The following ITGA9 variants were observed in gnomAD, a reference collection of about 807,000 sequenced individuals.
The protein encoded by ITGA9 is integrin alpha-9.
Under a neutral mutation model 127.8 loss-of-function variants are expected in ITGA9, and 56 were observed. That is an observed-to-expected ratio of 0.44 (90% confidence interval 0.35 to 0.55). The LOEUF is 0.55. Ranked by LOEUF, ITGA9 falls within the 20% of genes least tolerant of loss-of-function variation. ITGA9 has a pLI of 0.00. For synonymous variants in ITGA9, 508 were observed against 514.5 expected (o/e 0.99, Z 0.17); for missense variants, 1,196 against 1,347.1 (o/e 0.89, Z 1.76).
chr3:37,516,013 C>T (rs1200660356), intron 9 of ITGA9, among the ~76,000 whole-genome samples: 1 of 152,128 alleles, frequency 6.6e-6, no homozygotes, highest in Non-Finnish European at 1.5e-5. Context: ...ATGAAGGGGA[C>T]ATTAAATAAA....
At chr3:37,526,565 T>A (rs1343830852) in intron 13 of ITGA9, among the ~76,000 whole-genome samples, 1 of 152,202 alleles carries the variant, frequency 6.6e-6, no homozygotes, top group African/African-American at 2.4e-5. Flanking sequence ...TCATTCCCTG[T>A]TGGCTGCAGA....
chr3:37,758,518 G>A (rs1696683615), intron 23 of ITGA9, among the ~76,000 whole-genome samples: 1 of 150,948 alleles, frequency 6.6e-6, no homozygotes, highest in Non-Finnish European at 1.5e-5. Flanking sequence ...TGATAATCTT[G>A]ATAAGGGTTT....
intron 18 of ITGA9, among the ~76,000 whole-genome samples, chr3:37,699,359 C>T (rs1174365562): frequency 1.3e-5 from 2 of 152,192 alleles, no homozygotes. Flanking sequence ...TCCTGATCCT[C>T]CTGACACCTG....
intron 14 of ITGA9, among the ~76,000 whole-genome samples, chr3:37,539,365 C>T (rs755587181): frequency 1.3e-5 from 2 of 152,136 alleles, no homozygotes; most frequent in Non-Finnish European, 2.9e-5. Context: ...CAGTTGCAGG[C>T]CTCAGGCTTC....
chr3:37,571,425 T>C (rs1173643034), intron 15 of ITGA9, among the ~76,000 whole-genome samples: 1 of 152,202 alleles, frequency 6.6e-6, no homozygotes, highest in Non-Finnish European at 1.5e-5. Flanking sequence ...GGCCAGACAT[T>C]CTGTCTGGAC....
chr3:37,609,462 G>A (rs1699998000), intron 15 of ITGA9, among the ~76,000 whole-genome samples: 1 of 152,174 alleles, frequency 6.6e-6, no homozygotes, highest in African/African-American at 2.4e-5. Flanking sequence ...CTGAAGTAGA[G>A]TTTCTTTTTT....
At chr3:37,572,530 T>C (rs1699611849) in intron 15 of ITGA9, among the ~76,000 whole-genome samples, 1 of 152,196 alleles carries the variant, frequency 6.6e-6, no homozygotes, top group African/African-American at 2.4e-5. Flanking sequence ...ACAACTTATT[T>C]AGTAGGATTG....
chr3:37,669,896 T>C (rs1016576682), intron 17 of ITGA9, among the ~76,000 whole-genome samples: 11 of 152,118 alleles, frequency 7.2e-5, no homozygotes, highest in Non-Finnish European at 1.3e-4. Flanking sequence ...ATACAAAATG[T>C]CCTTACTGGT....
chr3:37,558,352 A>T (rs1269001795), intron 15 of ITGA9, among the ~76,000 whole-genome samples: 1 of 152,186 alleles, frequency 6.6e-6, no homozygotes, highest in Non-Finnish European at 1.5e-5. Context: ...TGGAGGGGAA[A>T]CAAAGATTAA....
At chr3:37,669,676 C>A (rs1700618539) in intron 17 of ITGA9, among the ~76,000 whole-genome samples, 1 of 152,078 alleles carries the variant, frequency 6.6e-6, no homozygotes. Context: ...TTTTTATTTG[C>A]CCTCTTGGAA....
intron 15 of ITGA9, among the ~76,000 whole-genome samples, chr3:37,588,793 C>T (rs995659510): frequency 8.5e-5 from 13 of 152,188 alleles, no homozygotes; most frequent in Non-Finnish European, 1.8e-4. Context: ...TTTAGGGAGA[C>T]TGAGCATGGC....
At chr3:37,779,477 C>T (rs2844394) in intron 24 of ITGA9, among the ~76,000 whole-genome samples, 146,517 of 152,276 alleles carry the variant, frequency 0.96, 70,589 homozygotes, top group Middle Eastern at 0.99. Flanking sequence ...CCCTCTTATT[C>T]ACCTACCTAA....
Position 37,814,176 on chromosome 3 carries a change from G to GA in ITGA9, c.3010-4710dup, listed in dbSNP as rs535117029. Among the ~76,000 whole-genome samples the GA allele has an allele frequency of 1.2e-3, 180 of 152,292 alleles. 1 individual carries two copies. Among genetic ancestry groups the GA allele is most frequent in the Non-Finnish European group, 8.2e-4 (56 of 68,026 alleles). ...CCTTGAATTCACTTTGGGGAAAACA[G>GA]AAAAAGCTGTCATGATGTTTCAGGG... On this transcript the variant is annotated intron_variant, in intron 27 of 27. Coordinates refer to ENST00000264741, the MANE Select transcript of ITGA9 (RefSeq NM_002207.3). This position sits in a 1 kb window ranked among gnomAD's most constrained non-coding sequence, Gnocchi z 4.3.
intron 18 of ITGA9, among the ~76,000 whole-genome samples, chr3:37,696,251 G>T (rs1700883589): frequency 6.6e-6 from 1 of 152,218 alleles, no homozygotes; most frequent in East Asian, 1.9e-4. Context: ...AGCAGAGTCA[G>T]CAGGGCAGAG....
chr3:37,748,105 G>A (rs540185673), intron 22 of ITGA9: 8 of 466,664 alleles, frequency 1.7e-5, no homozygotes, highest in Admixed American at 6.7e-5. Context: ...CCAGTAATTC[G>A]CCAAAATGTC....
At chr3:37,659,733 G>A (rs907260038) in intron 17 of ITGA9, among the ~76,000 whole-genome samples, 3 of 152,048 alleles carry the variant, frequency 2.0e-5, no homozygotes, top group African/African-American at 7.2e-5. Flanking sequence ...CTGGTGAGGA[G>A]TTGTGATCCT....
intron 8 of ITGA9, among the ~76,000 whole-genome samples, chr3:37,512,849 T>C (rs1427757693): frequency 6.6e-6 from 1 of 152,140 alleles, no homozygotes; most frequent in African/African-American, 2.4e-5. Context: ...AAGACAAGTG[T>C]CACTTGCCAC....
At chr3:37,693,323 A>G (rs892681498) in intron 18 of ITGA9, among the ~76,000 whole-genome samples, 1 of 152,186 alleles carries the variant, frequency 6.6e-6, no homozygotes, top group Non-Finnish European at 1.5e-5. Flanking sequence ...TCTAAGGAGT[A>G]TAATTTGAGT....
At chr3:37,675,831 C>T (rs1285412441) in intron 17 of ITGA9, among the ~76,000 whole-genome samples, 1 of 143,550 alleles carries the variant, frequency 7.0e-6, no homozygotes, top group East Asian at 2.1e-4. Flanking sequence ...GCAATTTCTG[C>T]CTCCCGGGTT....
Sources: gnomAD v4.1 joint callset for allele counts (sites outside exome capture counted in the v4.1 genomes callset) on GRCh38, gnomAD v4.1.1 for gene constraint, Gnocchi (gnomAD v3.1) non-coding constraint, MANE v1.5 for transcripts, NCBI Gene and HGNC (gene_info 2026-07-23, HGNC 2026-07-21) for gene names.